SANBR: variants seen among roughly 807,000 people sequenced by gnomAD.
SANBR encodes the protein SANT and BTB domain regulator of CSR.
A neutral mutation model predicts 101.8 loss-of-function variants in SANBR; 77 were observed. The ratio of observed to expected loss-of-function variants is 0.76; its 90% CI spans 0.63 to 0.91. The LOEUF (loss-of-function observed/expected upper bound fraction) is 0.91, where lower values mean the gene tolerates loss of function less well. Among genes scored for constraint, SANBR ranks in the 40% least tolerant of loss-of-function variants. The probability of loss-of-function intolerance (pLI) is 0.00; values close to 1 mark genes in which losing one functional copy is unlikely to be tolerated. For missense variants in SANBR, 875 were observed against 853.0 expected (o/e 1.03, Z -0.32); for synonymous variants, 279 against 274.7 (o/e 1.02, Z -0.15).
At chr2:61,127,528 CA>C (rs1684548384), downstream of SANBR, among the ~76,000 whole-genome samples, 1 of 152,208 alleles carries the variant, frequency 6.6e-6, no homozygotes, top group South Asian at 2.1e-4. Context: ...TAAACATGAA[CA>C]CTTGGATAAG....
At chr2:61,111,583 T>C (rs557024122) in intron 16 of SANBR, among the ~76,000 whole-genome samples, 4 of 152,266 alleles carry the variant, frequency 2.6e-5, no homozygotes, top group Non-Finnish European at 5.9e-5. Flanking sequence ...ATAAGTTATA[T>C]GTTACAAAAT....
At chr2:61,079,282 C>T (rs1050983781) in intron 6 of SANBR, among the ~76,000 whole-genome samples, 7 of 152,006 alleles carry the variant, frequency 4.6e-5, no homozygotes, top group African/African-American at 1.7e-4. Context: ...TAGCATACTA[C>T]TAGTATTACT....
At chr2:61,098,738 CT>C (rs1279330739) in intron 12 of SANBR, among the ~76,000 whole-genome samples, 1 of 152,158 alleles carries the variant, frequency 6.6e-6, no homozygotes. Context: ...TGAAAGGAAC[CT>C]AAAGCTCTTT....
chr2:61,131,446 A>C (rs1476609717), intron 20 of SANBR, among the ~76,000 whole-genome samples: 1 of 152,214 alleles, frequency 6.6e-6, no homozygotes, highest in Non-Finnish European at 1.5e-5. Context: ...TTTTAACATC[A>C]AAAAATTAAA....
At chr2:61,109,730 G>A (rs550387022) in intron 16 of SANBR, among the ~76,000 whole-genome samples, 6 of 141,322 alleles carry the variant, frequency 4.2e-5, no homozygotes, top group Non-Finnish European at 7.6e-5. Context: ...TCACAGTGGC[G>A]CAATCTTGGC....
intron 11 of SANBR, among the ~76,000 whole-genome samples, chr2:61,094,638 C>CTTTTTTTT (rs35061669): frequency 1.5e-4 from 12 of 79,010 alleles, no homozygotes; most frequent in Non-Finnish European, 2.7e-4. Flanking sequence ...TATTTCTCTT[C>CTTTTTTTT]TTTTTTTTTT....
chr2:61,117,981 T>G (rs779402226), intron 19 of SANBR, 47 bp from the exon 20 acceptor site: 8 of 1,391,010 alleles, frequency 5.8e-6, no homozygotes, highest in Non-Finnish European at 8.1e-6. Context: ...TAAAAAGTTA[T>G]ATATCATCCT....
At chr2:61,074,216 T>TA (rs1681636686) in intron 5 of SANBR, among the ~76,000 whole-genome samples, 1 of 152,226 alleles carries the variant, frequency 6.6e-6, no homozygotes, top group Non-Finnish European at 1.5e-5. Flanking sequence ...TCATATGTCA[T>TA]AAAATGAACC....
rs1172548783 is a variant in SANBR, at chr2:61,071,662, G to A, written c.207G>A (p.Gln69=). 6 of 1,599,856 alleles carry A rather than the reference G, an allele frequency of 3.8e-6. No individual in the cohort carries two copies. The highest frequency in any genetic ancestry group is 5.1e-6 in the Non-Finnish European group (6 of 1,175,244). ...KSSGSSPVDN[Q]YNSLMAAGES... ...GTGGAAGCTCGCCTGTTGACAACCA[G>A]TATAATTCCCTAATGGCTGCTGGAG... Residue 69 remains glutamine (Q), a synonymous_variant, in exon 4 of 22, where the codon CAG becomes CAA. Transcript: ENST00000402291.
intron 8 of SANBR, among the ~76,000 whole-genome samples, chr2:61,086,451 A>G (rs922229149): frequency 6.6e-6 from 1 of 152,170 alleles, no homozygotes; most frequent in South Asian, 2.1e-4. Context: ...GCAAAATAGT[A>G]TTGATAAAGG....
chr2:61,123,257 A>G lies in SANBR; in HGVS notation c.*1095A>G, dbSNP rs1573674677. ...ACTGTTTCTATTTTTTTAAGTCTTA[A>G]TTTGCCTTATAACTGACATTTCTTC... On this transcript the variant is annotated 3_prime_UTR_variant, in exon 22 of 22. Transcript: ENST00000402291. The G allele has an allele frequency of 2.0e-6, 2 of 978,516 alleles. No homozygotes were observed. Among genetic ancestry groups the G allele is most frequent in the Non-Finnish European group, 2.4e-6 (2 of 823,672 alleles). 60.6% of individuals were successfully genotyped at this position (978,516 alleles called of 1,614,324 possible).
At chr2:61,074,077 A>G (rs943586357) in intron 5 of SANBR, among the ~76,000 whole-genome samples, 5 of 152,218 alleles carry the variant, frequency 3.3e-5, no homozygotes, top group Admixed American at 2.0e-4. Context: ...CCATATAACC[A>G]TCACCCAAAT....
chr2:61,118,335 G>A (rs1429281934), intron 20 of SANBR, among the ~76,000 whole-genome samples: 2 of 151,356 alleles, frequency 1.3e-5, no homozygotes, highest in Non-Finnish European at 2.9e-5. Flanking sequence ...TTCGCCTCAT[G>A]GGTTCAAGCA....
chr2:61,096,542 T>C (rs902729357), intron 11 of SANBR, among the ~76,000 whole-genome samples: 6 of 152,188 alleles, frequency 3.9e-5, no homozygotes, highest in African/African-American at 1.4e-4. Flanking sequence ...CTGTGTCCAC[T>C]GAAACTCCTT....
In SANBR at chr2:61,105,915, C is replaced by A. The variant is rs527820920; in HGVS notation, c.1512-648C>A. 1.5e-3 allele frequency among the ~76,000 whole-genome samples: 223 copies of A among 152,186 alleles called. 1 individual carries two copies. Among genetic ancestry groups the A allele is most frequent in the African/African-American group, 5.0e-3 (206 of 41,516 alleles). On this transcript the variant is annotated intron_variant, in intron 13 of 21. Transcript: ENST00000402291. ...TCAATCTCCTGACCTCGTGATCCGC[C>A]CGCCTCGGCCTCGCAAAGTGCTGGG...
At chr2:61,096,260 T>A (rs1409710316) in intron 11 of SANBR, among the ~76,000 whole-genome samples, 1 of 152,038 alleles carries the variant, frequency 6.6e-6, no homozygotes, top group African/African-American at 2.4e-5. Flanking sequence ...GGCCCAAAAG[T>A]CTTGTCCCCT....
At chr2:61,136,190 G>C (rs561723168) in intron 21 of SANBR, among the ~76,000 whole-genome samples, 18 of 152,000 alleles carry the variant, frequency 1.2e-4, no homozygotes, top group African/African-American at 3.6e-4. Context: ...TGTAGTCCCA[G>C]CTACTCGGGA....
At chr2:61,083,907 T>G (rs1682281575) in intron 8 of SANBR, among the ~76,000 whole-genome samples, 1 of 152,026 alleles carries the variant, frequency 6.6e-6, no homozygotes, top group African/African-American at 2.4e-5. Flanking sequence ...AGGGTCTCAC[T>G]TTGTTGCCCA....
intron 20 of SANBR, among the ~76,000 whole-genome samples, chr2:61,119,829 G>A (rs1400536875): frequency 6.6e-6 from 1 of 152,152 alleles, no homozygotes; most frequent in African/African-American, 2.4e-5. Flanking sequence ...AGGTATGGTG[G>A]TGGATGCCTG....
Sources: gnomAD v4.1 joint callset for allele counts (sites outside exome capture counted in the v4.1 genomes callset) on GRCh38, gnomAD v4.1.1 for gene constraint, MANE v1.5 for transcripts, NCBI Gene and HGNC (gene_info 2026-07-23, HGNC 2026-07-21) for gene names.